The following PCDH19 variants were observed in gnomAD, a reference collection of about 807,000 sequenced individuals.
PCDH19 encodes the protein protocadherin-19.
A neutral mutation model predicts 46.2 loss-of-function variants in PCDH19; 6 were observed. The ratio of observed to expected loss-of-function variants is 0.13; its 90% CI spans 0.07 to 0.26. The LOEUF is 0.26. Among genes scored for constraint, PCDH19 ranks in the 10% least tolerant of loss-of-function variants. The probability of loss-of-function intolerance (pLI) is 1.00; values close to 1 mark genes in which losing one functional copy is unlikely to be tolerated. For missense variants in PCDH19, 740 were observed against 972.3 expected, an observed-to-expected ratio of 0.76 and a Z score of 3.18; for synonymous variants, 481 against 415.7, an observed-to-expected ratio of 1.16 and a Z score of -1.91.
At chrX:100,331,561 T>TGG (rs1925870886) in intron 5 of PCDH19, among the ~76,000 whole-genome samples, 1 of 111,862 alleles carries the variant, frequency 8.9e-6, no homozygotes, top group Non-Finnish European at 1.9e-5. Flanking sequence ...TTTAGCTCTG[T>TGG]GACCCCACCC....
chrX:100,340,636 A>G (rs1470376108), intron 5 of PCDH19, among the ~76,000 whole-genome samples: 1 of 111,823 alleles, frequency 8.9e-6, no homozygotes, highest in African/African-American at 3.3e-5. Flanking sequence ...ATTAGGGAAG[A>G]CAGCAGTGCA....
At chrX:100,320,484 G>T (rs5967115) in intron 5 of PCDH19, among the ~76,000 whole-genome samples, 32,299 of 110,494 alleles carry the variant, frequency 0.29, 3,651 homozygotes, top group Non-Finnish European at 0.35. Context: ...ATAACTATTG[G>T]GATGTTAAGA....
chrX:100,296,983 C>T, intron 5 of PCDH19, 108 bp from the exon 6 acceptor site: 1 of 717,927 alleles, frequency 1.4e-6, no homozygotes, highest in Non-Finnish European at 2.2e-6. Context: ...TGGGAAATGG[C>T]ACTTTTAGGT....
chrX:100,381,973 G>A (rs1927564862), intron 3 of PCDH19, among the ~76,000 whole-genome samples: 1 of 110,580 alleles, frequency 9.0e-6, no homozygotes. Flanking sequence ...TACGTGCATG[G>A]ATTACAACTC....
chrX:100,341,036 G>T (rs2147484277), intron 5 of PCDH19, among the ~76,000 whole-genome samples: 1 of 112,032 alleles, frequency 8.9e-6, no homozygotes, highest in African/African-American at 3.2e-5. Flanking sequence ...CAGGCTGTTT[G>T]CATAGCATGT....
At chrX:100,351,870 GC>G (rs1252819075) in intron 3 of PCDH19, among the ~76,000 whole-genome samples, 1 of 112,366 alleles carries the variant, frequency 8.9e-6, no homozygotes, top group Non-Finnish European at 1.9e-5. Context: ...AACAGAACAG[GC>G]AATAGCAGAT....
intron 5 of PCDH19, among the ~76,000 whole-genome samples, chrX:100,321,327 T>A (rs932272142): frequency 8.9e-6 from 1 of 112,009 alleles, no homozygotes; most frequent in South Asian, 3.7e-4. Flanking sequence ...TACCTTTAGA[T>A]CTTTAAGGAA....
At chrX:100,324,588 G>GA (rs1050417540) in intron 5 of PCDH19, among the ~76,000 whole-genome samples, 3 of 111,774 alleles carry the variant, frequency 2.7e-5, no homozygotes, top group Non-Finnish European at 5.6e-5. Context: ...TAAAAAACAG[G>GA]AAAAAAGCAA....
intron 5 of PCDH19, among the ~76,000 whole-genome samples, chrX:100,339,820 G>A (rs1411405502): frequency 7.1e-5 from 8 of 111,957 alleles, no homozygotes; most frequent in African/African-American, 2.3e-4. Flanking sequence ...AACCACTGCC[G>A]GAATAATAGA....
intron 3 of PCDH19, among the ~76,000 whole-genome samples, chrX:100,384,887 G>A (rs937881137): frequency 3.6e-5 from 4 of 111,517 alleles, no homozygotes; most frequent in Non-Finnish European, 7.5e-5. Flanking sequence ...GGCCGGGCCC[G>A]GTGGCTCACG....
chrX:100,322,124 T>C (rs2147467485), intron 5 of PCDH19, among the ~76,000 whole-genome samples: 1 of 111,113 alleles, frequency 9.0e-6, no homozygotes, highest in African/African-American at 3.3e-5. Flanking sequence ...TTTGGGTTCT[T>C]GGTAATGAAA....
intron 5 of PCDH19, among the ~76,000 whole-genome samples, chrX:100,325,574 T>C (rs1925670458): frequency 9.0e-6 from 1 of 111,322 alleles, no homozygotes; most frequent in Non-Finnish European, 1.9e-5. Context: ...TTCACCATGT[T>C]GGCCAGGCTG....
chrX:100,310,809 G>A (rs1425873813), intron 5 of PCDH19, among the ~76,000 whole-genome samples: 1 of 107,257 alleles, frequency 9.3e-6, no homozygotes. Flanking sequence ...CATCTAGGAT[G>A]ACAGAGCCTT....
Position 100,407,188 on chromosome X carries a change from G to T in PCDH19, c.1410C>A (p.Ala470=). The T allele has an allele frequency of 1.7e-6, 2 of 1,211,793 alleles. No homozygotes were observed. The highest frequency in any genetic ancestry group is 2.2e-6 in the Non-Finnish European group (2 of 895,491). ...CGCGAGCAGACACAGAGAGCAGATA[G>T]GCGCCAGGCGTGTTGTTCTCCTGCA... ...VIVQENNTPG[A]YLLSVSARDP... Residue 470 remains alanine, a synonymous_variant, in exon 1 of 6, where the codon GCC becomes GCA. Coordinates refer to ENST00000373034, the MANE Select transcript of PCDH19 (RefSeq NM_001184880.2).
intron 1 of PCDH19, among the ~76,000 whole-genome samples, chrX:100,405,770 T>C (rs950747486): frequency 1.8e-5 from 2 of 112,188 alleles, no homozygotes; most frequent in Non-Finnish European, 3.8e-5. Context: ...CTCATTGGGA[T>C]GTTTGGTCTC....
intron 5 of PCDH19, among the ~76,000 whole-genome samples, chrX:100,321,589 T>G (rs868524211): frequency 1.8e-4 from 20 of 110,587 alleles, no homozygotes; most frequent in Middle Eastern, 4.7e-3. Flanking sequence ...TATCTGTTCA[T>G]GTCTTTAGCC....
intron 4 of PCDH19, among the ~76,000 whole-genome samples, chrX:100,349,544 A>G (rs908113923): frequency 1.8e-5 from 2 of 112,410 alleles, no homozygotes; most frequent in African/African-American, 6.5e-5. Context: ...AATGCAAGTT[A>G]CTTGAAGCTT....
At chrX:100,376,244 A>C (rs1180033247) in intron 3 of PCDH19, among the ~76,000 whole-genome samples, 1 of 94,030 alleles carries the variant, frequency 1.1e-5, no homozygotes, top group African/African-American at 4.1e-5. Flanking sequence ...TCAAAAAAAA[A>C]AAAAAAAAAA....
At chrX:100,390,922 T>A (rs1057202586) in intron 3 of PCDH19, among the ~76,000 whole-genome samples, 2 of 111,918 alleles carry the variant, frequency 1.8e-5, no homozygotes, top group African/African-American at 6.5e-5. Context: ...AGAATGACAA[T>A]CAGTGAAATA....
Sources: allele counts gnomAD v4.1 joint callset (sites outside exome capture counted in the v4.1 genomes callset), GRCh38; gene constraint gnomAD v4.1.1; transcripts MANE v1.5; gene names NCBI Gene and HGNC (gene_info 2026-07-23, HGNC 2026-07-21).